The following WDFY3 variants were observed in gnomAD, a reference collection of about 807,000 sequenced individuals.
WDFY3 encodes WD repeat and FYVE domain containing 3.
Under a neutral mutation model 409.6 loss-of-function variants are expected in WDFY3, and 66 were observed. The ratio of observed to expected loss-of-function variants is 0.16; its 90% CI spans 0.13 to 0.20. The LOEUF is 0.20. Among genes scored for constraint, WDFY3 ranks in the 10% least tolerant of loss-of-function variants. WDFY3 has a pLI of 1.00. For synonymous variants in WDFY3, 1,521 were observed against 1,537.1 expected, an observed-to-expected ratio of 0.99 and a Z score of 0.25; for missense variants, 3,031 against 4,298.1, an observed-to-expected ratio of 0.71 and a Z score of 8.24.
intron 4 of WDFY3, among the ~76,000 whole-genome samples, chr4:84,856,414 TA>T (rs947207543): frequency 6.6e-6 from 1 of 152,162 alleles, no homozygotes; most frequent in Non-Finnish European, 1.5e-5. Context: ...TCATTTTGAG[TA>T]AGTTTAAACC....
intron 5 of WDFY3, among the ~76,000 whole-genome samples, chr4:84,842,567 C>G (rs1757520924): frequency 6.6e-6 from 1 of 151,842 alleles, no homozygotes; most frequent in Non-Finnish European, 1.5e-5. Context: ...CCACCAAGGT[C>G]AGGAGATCGA....
At chr4:84,727,992 AAAAT>A (rs1469110324) in intron 44 of WDFY3, among the ~76,000 whole-genome samples, 1 of 152,138 alleles carries the variant, frequency 6.6e-6, no homozygotes, top group African/African-American at 2.4e-5. Context: ...AGACCATAAT[AAAAT>A]AAAAGTATTT....
chr4:84,743,136 TA>T (rs1738749585), intron 37 of WDFY3, among the ~76,000 whole-genome samples: 1 of 152,216 alleles, frequency 6.6e-6, no homozygotes, highest in Admixed American at 6.5e-5. Context: ...AACTCAAAAG[TA>T]GCACATATAG....
At chr4:84,679,841 TACACACACAC>T (rs954549793) in intron 64 of WDFY3, among the ~76,000 whole-genome samples, 5 of 141,262 alleles carry the variant, frequency 3.5e-5, no homozygotes, top group African/African-American at 5.3e-5. Context: ...TATATATATA[TACACACACAC>T]ACACACACAC....
intron 38 of WDFY3, 56 bp downstream of exon 38, chr4:84,741,705 A>G: frequency 1.4e-6 from 2 of 1,479,740 alleles, no homozygotes; most frequent in Non-Finnish European, 1.8e-6. Context: ...CAATTTTGAC[A>G]CCATAGGCAA....
intron 27 of WDFY3, among the ~76,000 whole-genome samples, chr4:84,776,590 C>T (rs1745585674): frequency 6.6e-6 from 1 of 152,046 alleles, no homozygotes; most frequent in East Asian, 1.9e-4. Context: ...ATAATCCCTT[C>T]TGTCTACCAT....
chr4:84,741,831 T>C lies in WDFY3; in HGVS notation c.6164A>G (p.Lys2055Arg). 2 of 1,613,698 alleles carry C rather than the reference T, an allele frequency of 1.2e-6. No homozygotes were observed. Among genetic ancestry groups the C allele is most frequent in the Non-Finnish European group, 1.7e-6 (2 of 1,179,656 alleles). ...VFYFTQRVVD[K>R]LWQGMFNKES... is the part of the protein sequence containing the mutation. ...TTTGTTGAACATGCCTTGCCAAAGC[T>C]TGTCCACCACACGCTGTGTGAAATA... The change falls in exon 38 of 68, where the codon AAG becomes AGG. Residue 2055 changes from lysine (K) to arginine (R), a missense_variant. This residue lies in a region of WDFY3 where 314 missense variants were observed against 397.4 expected (regional missense o/e 0.79). Coordinates refer to ENST00000295888, the MANE Select transcript of WDFY3 (RefSeq NM_014991.6).
At chr4:84,684,159 C>T in intron 62 of WDFY3, 34 bp from the exon 63 acceptor site, 2 of 1,490,980 alleles carry the variant, frequency 1.3e-6, no homozygotes, top group Non-Finnish European at 1.8e-6. Context: ...ATTCTCTTTG[C>T]TCCCTTCCAA....
chr4:84,957,258 C>CAAAA (rs149018066), intron 1 of WDFY3, among the ~76,000 whole-genome samples: 1 of 59,360 alleles, frequency 1.7e-5, no homozygotes, highest in Non-Finnish European at 3.6e-5. Flanking sequence ...TTTCATATAC[C>CAAAA]AAAAAAAAAA....
intron 37 of WDFY3, among the ~76,000 whole-genome samples, chr4:84,742,958 G>A (rs1738715337): frequency 6.6e-6 from 1 of 152,106 alleles, no homozygotes; most frequent in Admixed American, 6.6e-5. Flanking sequence ...GTGTCTTTGT[G>A]TAGTATGACT....
At position 84,670,020 on chromosome 4, in the gene WDFY3, G is replaced by A. The variant is rs1235758731; in HGVS notation, c.*2848C>T. On this transcript the variant is annotated 3_prime_UTR_variant, in exon 68 of 68. Transcript: ENST00000295888. ...CACAGTTCATTTACCAAAACAAAAT[G>A]TATTTAAATGATACAAAGCAAAAAT... 1 of 152,596 alleles carries A rather than the reference G, an allele frequency of 6.6e-6. No homozygotes were observed. Among genetic ancestry groups the A allele is most frequent in the Non-Finnish European group, 1.5e-5 (1 of 68,024 alleles). The allele number at this position is 152,596 out of a possible 1,614,324, so 9.5% of individuals were successfully genotyped here.
chr4:84,963,667 T>C (rs1168477559), intron 1 of WDFY3, among the ~76,000 whole-genome samples: 1 of 152,214 alleles, frequency 6.6e-6, no homozygotes, highest in Non-Finnish European at 1.5e-5. Flanking sequence ...AGATATACTT[T>C]GCAATTCTAA....
chr4:84,916,838 G>T (rs1768555512), intron 2 of WDFY3, among the ~76,000 whole-genome samples: 1 of 152,116 alleles, frequency 6.6e-6, no homozygotes, highest in Non-Finnish European at 1.5e-5. Flanking sequence ...TAGAATTTTT[G>T]AGTATTTTCT....
At chr4:84,755,949 T>C (rs1372485900) in intron 33 of WDFY3, among the ~76,000 whole-genome samples, 7 of 152,232 alleles carry the variant, frequency 4.6e-5, no homozygotes. Flanking sequence ...TATCTTAATT[T>C]AATCTAAGGG....
At chr4:84,797,941 C>T in intron 18 of WDFY3, 55 bp downstream of exon 18, 1 of 1,400,714 alleles carries the variant, frequency 7.1e-7, no homozygotes. Context: ...AATATTCATC[C>T]CCTACATGAT....
chr4:84,744,122 CTATA>C (rs1560644996), intron 36 of WDFY3, among the ~76,000 whole-genome samples: 2 of 147,182 alleles, frequency 1.4e-5, no homozygotes, highest in African/African-American at 2.5e-5. Context: ...ATATATAAAA[CTATA>C]TATAATATTG....
intron 1 of WDFY3, among the ~76,000 whole-genome samples, chr4:84,965,394 A>C (rs1372372094): frequency 6.6e-6 from 1 of 152,218 alleles, no homozygotes; most frequent in Non-Finnish European, 1.5e-5. Context: ...AGTCCATGCA[A>C]GGGTTCACAT....
chr4:84,676,525 C>T (rs1454524759), intron 67 of WDFY3, among the ~76,000 whole-genome samples: 1 of 151,136 alleles, frequency 6.6e-6, no homozygotes, highest in Non-Finnish European at 1.5e-5. Flanking sequence ...TAGAGGAATT[C>T]TAGCTTGTGT....
chr4:84,726,597 G>C (rs986822908), intron 45 of WDFY3, among the ~76,000 whole-genome samples: 4 of 152,064 alleles, frequency 2.6e-5, no homozygotes, highest in African/African-American at 4.8e-5. Context: ...TGTTTTTATA[G>C]TGAGAGCAGT....
Sources: gnomAD v4.1 joint callset for allele counts (sites outside exome capture counted in the v4.1 genomes callset) on GRCh38, gnomAD v4.1.1 for gene constraint, gnomAD v4.1.1 regional missense constraint, MANE v1.5 for transcripts, NCBI Gene and HGNC (gene_info 2026-07-23, HGNC 2026-07-21) for gene names.